Variants in OAT observed in about 807,000 individuals in gnomAD.
OAT encodes the protein ornithine aminotransferase, mitochondrial.
Under a neutral mutation model 48.4 loss-of-function variants are expected in OAT, and 35 were observed. The observed-to-expected ratio is 0.72, with a 90% CI of 0.55 to 0.96. The LOEUF is 0.96. Among genes scored for constraint, OAT ranks in the 40% least tolerant of loss-of-function variants. The pLI is 0.00. For missense variants in OAT, 438 were observed against 537.9 expected, an observed-to-expected ratio of 0.81 and a Z score of 1.84; for synonymous variants, 182 against 198.4, an observed-to-expected ratio of 0.92 and a Z score of 0.70.
chr10:124,404,299 ACT>A (rs1951508685), intron 5 of OAT, among the ~76,000 whole-genome samples: 1 of 148,396 alleles, frequency 6.7e-6, no homozygotes, highest in Admixed American at 6.7e-5. Context: ...ATGGAGTCTC[ACT>A]CTGTCACCCA....
intron 1 of OAT, among the ~76,000 whole-genome samples, chr10:124,418,453 C>T (rs1416461109): frequency 6.6e-6 from 1 of 152,224 alleles, no homozygotes; most frequent in Non-Finnish European, 1.5e-5. Flanking sequence ...GCCTCGGGGT[C>T]TCTGGGCCGG....
Position 124,417,427 on chromosome 10 carries a change from G to T in OAT, c.-30+1446C>A, listed in dbSNP as rs542906645. On this transcript the variant is annotated intron_variant, in intron 1 of 9. Transcript: ENST00000368845. ...AGCCTCCCGAGTAGCTGGGATTACA[G>T]GCGCGCACCACGATGTCTGGCTAAT... 5.3e-5 allele frequency among the ~76,000 whole-genome samples: 8 copies of T among 151,642 alleles called. No homozygotes were observed. In the South Asian group the frequency reaches 1.7e-3, roughly 32 times the overall value.
chr10:124,403,065 A>G lies in OAT; in HGVS notation c.772-10T>C, dbSNP rs759900831. ...CAGCAATAAAGAGAACCTATTGGGG[A>G]AAAAAAATACCCCTATTAGTGATCA... On this transcript the variant is annotated splice_polypyrimidine_tract_variant and intron_variant, in intron 6 of 9. Coordinates refer to ENST00000368845, the MANE Select transcript of OAT (RefSeq NM_000274.4). 31 of 1,610,034 alleles carry G rather than the reference A, an allele frequency of 1.9e-5. No homozygotes were observed. Among genetic ancestry groups the G allele is most frequent in the African/African-American group, 1.6e-4 (12 of 74,786 alleles).
At position 124,398,096 on chromosome 10, in the gene OAT, T is replaced by C. The variant is rs1414573089; in HGVS notation, c.1166A>G (p.Asp389Gly). The C allele has an allele frequency of 1.2e-6, 2 of 1,613,898 alleles. No homozygotes were observed. Among genetic ancestry groups the C allele is most frequent in the African/African-American group, 1.3e-5 (1 of 74,908 alleles). Reference sequence around the variant, plus strand: ...AAGTCGTAGACACACCTTCCAAGCATCCCAATCTAAAGAAAAATAGTAAAA... The same window carrying C: ...AAGTCGTAGACACACCTTCCAAGCACCCCAATCTAAAGAAAAATAGTAAAA... ...AIVIKETKDW[D>G]AWKVCLRLRD... Residue 389 changes from aspartate (D) to glycine (G), a missense_variant, in exon 10 of 10, where the codon GAT (aspartate) becomes GGT (glycine). Asp to Gly is a moderately conservative substitution (Grantham distance 94). Transcript: ENST00000368845.
chr10:124,405,922 T>C (rs566116807), intron 4 of OAT: 2 of 1,160,278 alleles, frequency 1.7e-6, no homozygotes, highest in South Asian at 3.7e-5. Context: ...CTAGAGAAGG[T>C]GCATTTATGA....
At chr10:124,404,860 G>A (rs1710560) in intron 5 of OAT, among the ~76,000 whole-genome samples, 11,254 of 152,220 alleles carry the variant, frequency 0.074, 557 homozygotes, top group African/African-American at 0.13. Flanking sequence ...CCTGGCCAAC[G>A]TGGCGAAACC....
chr10:124,398,336 C>T (rs193253362), intron 9 of OAT, among the ~76,000 whole-genome samples: 171 of 151,814 alleles, frequency 1.1e-3, no homozygotes, highest in Non-Finnish European at 1.2e-3. Flanking sequence ...TTATGAAACC[C>T]GTCTCTACTA....
chr10:124,405,907 G>C, intron 4 of OAT: 1 of 1,164,698 alleles, frequency 8.6e-7, no homozygotes, highest in Non-Finnish European at 1.1e-6. Flanking sequence ...TTGAATGCAT[G>C]TTTTCTAGAG....
chr10:124,411,810 C>T (rs111333134), intron 2 of OAT, among the ~76,000 whole-genome samples, 163 bp downstream of exon 2: 36 of 78,072 alleles, frequency 4.6e-4, no homozygotes, highest in African/African-American at 1.5e-3. Context: ...AGTGAGACTC[C>T]GTCTCAAAAA....
At chr10:124,417,283 CTTTTTTTTTT>C (rs59171918) in intron 1 of OAT, among the ~76,000 whole-genome samples, 4 of 87,046 alleles carry the variant, frequency 4.6e-5, no homozygotes, top group Non-Finnish European at 8.8e-5. Flanking sequence ...AAACTATAAG[CTTTTTTTTTT>C]TTTTTTTTTT....
At chr10:124,413,265 C>CGT (rs1410667401) in intron 1 of OAT, among the ~76,000 whole-genome samples, 2 of 112,162 alleles carry the variant, frequency 1.8e-5, no homozygotes, top group African/African-American at 8.2e-5. Flanking sequence ...TACATAAATA[C>CGT]ATACACACAC....
intron 1 of OAT, among the ~76,000 whole-genome samples, chr10:124,417,971 G>C (rs1441909498): frequency 6.6e-6 from 1 of 152,202 alleles, no homozygotes; most frequent in African/African-American, 2.4e-5. Flanking sequence ...AGGTGACTTC[G>C]GGCCTCAGTC....
At chr10:124,398,140 A>C in intron 9 of OAT, 38 bp from the exon 10 acceptor site, 1 of 1,610,570 alleles carries the variant, frequency 6.2e-7, no homozygotes, top group Non-Finnish European at 8.5e-7. Context: ...CTCAAAGATA[A>C]ACGTTTAAAC....
intron 1 of OAT, among the ~76,000 whole-genome samples, chr10:124,412,817 C>T (rs1951800191): frequency 6.6e-6 from 1 of 152,272 alleles, no homozygotes; most frequent in Non-Finnish European, 1.5e-5. Context: ...AAGAGTAAGA[C>T]TCTTTCCAGA....
intron 4 of OAT, among the ~76,000 whole-genome samples, chr10:124,406,519 T>A (rs1272993065): frequency 1.3e-5 from 2 of 149,020 alleles, no homozygotes; most frequent in African/African-American, 2.5e-5. Flanking sequence ...ATAATAATAA[T>A]AAAGATGTTG....
chr10:124,403,357 A>G lies in OAT; in HGVS notation c.772-302T>C, dbSNP rs532842701. On this transcript the variant is annotated intron_variant, in intron 6 of 9. Coordinates refer to ENST00000368845, the MANE Select transcript of OAT (RefSeq NM_000274.4). ...TTGTATGGCTTTTCTGGACCTAACT[A>G]CCCTCTGGGAACAAATTAATTCATT... The G allele has an allele frequency of 6.0e-6, 3 of 496,026 alleles. No homozygotes were observed. The South Asian group carries it at 6.6e-5, about 11-fold the overall frequency. 30.7% of individuals were successfully genotyped at this position (496,026 alleles called of 1,614,324 possible).
Position 124,410,269 on chromosome 10 carries a change from ATT to A in OAT, c.200-1306_200-1305del, listed in dbSNP as rs754397060. ...AGTAAAAGTTCATGAGTAACTGGAT[ATT>A]TACAGAGTTTTACACTCTGTCCCCA... On this transcript the variant is annotated intron_variant, in intron 2 of 9. Coordinates refer to ENST00000368845, the MANE Select transcript of OAT (RefSeq NM_000274.4). 2.0e-5 allele frequency among the ~76,000 whole-genome samples: 3 copies of A among 152,358 alleles called. No homozygotes were observed. In the South Asian group the frequency reaches 6.2e-4, roughly 32 times the overall value.
intron 2 of OAT, among the ~76,000 whole-genome samples, chr10:124,410,949 G>A (rs917692709): frequency 3.3e-5 from 5 of 151,858 alleles, no homozygotes; most frequent in South Asian, 2.1e-4. Flanking sequence ...AGACCAGCCC[G>A]GCCAACATGA....
intron 6 of OAT, 110 bp downstream of exon 6, chr10:124,403,688 A>T (rs956581075): frequency 3.4e-6 from 5 of 1,464,210 alleles, no homozygotes; most frequent in Non-Finnish European, 4.8e-6. Context: ...TAATCTTTGC[A>T]TTTATCCAAT....
Sources: allele counts gnomAD v4.1 joint callset (sites outside exome capture counted in the v4.1 genomes callset), GRCh38; gene constraint gnomAD v4.1.1; transcripts MANE v1.5; gene names NCBI Gene and HGNC (gene_info 2026-07-23, HGNC 2026-07-21).